Variants in NKIRAS1 observed in about 807,000 individuals in gnomAD.
The protein encoded by NKIRAS1 is NFKB inhibitor interacting Ras like 1.
In NKIRAS1, 16 loss-of-function variants were observed where a neutral mutation model predicts 19.8. The ratio of observed to expected loss-of-function variants is 0.81; its 90% confidence interval spans 0.55 to 1.23. The LOEUF is 1.23. NKIRAS1 is among the 50% of genes most tolerant of loss of function. The pLI is 0.00. For synonymous variants in NKIRAS1, 88 were observed against 79.0 expected (o/e 1.11, Z -0.61); for missense variants, 184 against 220.0 (o/e 0.84, Z 1.04).
intron 1 of NKIRAS1, among the ~76,000 whole-genome samples, chr3:23,942,153 A>C (rs1705512201): frequency 6.6e-6 from 1 of 151,784 alleles, no homozygotes; most frequent in Non-Finnish European, 1.5e-5. Context: ...TAATTTTTGT[A>C]TTTTTAGTAG....
intron 1 of NKIRAS1, among the ~76,000 whole-genome samples, chr3:23,925,974 T>C (rs1228090722): frequency 2.0e-5 from 3 of 152,246 alleles, no homozygotes; most frequent in Admixed American, 6.5e-5. Flanking sequence ...GGCTACCACG[T>C]TGGACAGCAC....
chr3:23,900,738 C>T, intron 4 of NKIRAS1, 70 bp downstream of exon 4: 1 of 1,226,834 alleles, frequency 8.2e-7, no homozygotes, highest in Non-Finnish European at 1.2e-6. Context: ...AAATAAACTA[C>T]CCAAAAGTCT....
chr3:23,941,857 G>A (rs1239854603), intron 1 of NKIRAS1, among the ~76,000 whole-genome samples: 3 of 152,148 alleles, frequency 2.0e-5, no homozygotes, highest in East Asian at 1.9e-4. Context: ...CACTATCATC[G>A]AAGAGAGGGT....
chr3:23,916,412 T>C (rs1704438159), intron 1 of NKIRAS1: 1 of 152,252 alleles, frequency 6.6e-6, no homozygotes, highest in South Asian at 2.1e-4. Flanking sequence ...CATTCTGCTC[T>C]TCTGAAAAAC....
rs148572381 is a variant in NKIRAS1 at position 23,915,590 on chromosome 3, T to A, written c.-140+1194A>T. Among the ~76,000 whole-genome samples, 143 of 152,334 alleles carry A rather than the reference T, an allele frequency of 9.4e-4. 3 individuals are homozygous for A. The East Asian group carries it at 0.025, about 27-fold the overall frequency. On this transcript the variant is annotated intron_variant, in intron 1 of 4. Coordinates refer to ENST00000425478, the MANE Select transcript of NKIRAS1 (RefSeq NM_020345.4). ...TTATCTTTTTAAAATGTACGCCATA[T>A]GAAGTCATCCTTCTGTTCAAAATCT...
chr3:23,918,238 T>G, upstream of NKIRAS1: 1 of 899,490 alleles, frequency 1.1e-6, no homozygotes, highest in Admixed American at 2.9e-5. Context: ...GAGTTCAGAC[T>G]AAAGCAAAAT....
Position 23,890,621 on chromosome 3 carries a change from AT to A in NKIRAS1, c.*2473del, listed in dbSNP as rs537947580. Reference sequence around the variant, plus strand: ...ACGCTACATAAATTGGGGTTTCACAATTCTTACATTATTTGTCTGTCACAGA... The same window carrying A: ...ACGCTACATAAATTGGGGTTTCACAATCTTACATTATTTGTCTGTCACAGA... On this transcript the variant is annotated 3_prime_UTR_variant, in exon 5 of 5. Transcript: ENST00000425478. 1.4e-4 allele frequency: 220 copies of A among 1,571,680 alleles called. 1 individual carries two copies. The African/African-American group carries it at 2.8e-3, about 20-fold the overall frequency.
chr3:23,925,592 C>T (rs1459796097), intron 1 of NKIRAS1, among the ~76,000 whole-genome samples: 1 of 152,084 alleles, frequency 6.6e-6, no homozygotes, highest in Non-Finnish European at 1.5e-5. Context: ...CAAGACTGCG[C>T]CACTGCACTT....
intron 4 of NKIRAS1, 104 bp from the exon 5 acceptor site, chr3:23,893,441 T>A (rs922818922): frequency 1.3e-5 from 12 of 907,262 alleles, no homozygotes; most frequent in Admixed American, 4.7e-5. Context: ...CAAACCTGCT[T>A]CATTAAACTG....
chr3:23,895,794 C>A (rs960391172), intron 4 of NKIRAS1, among the ~76,000 whole-genome samples: 1 of 152,160 alleles, frequency 6.6e-6, no homozygotes, highest in South Asian at 2.1e-4. Context: ...TCCTTCCCCA[C>A]TTTCCTTTCA....
At chr3:23,928,821 G>A (rs943617742) in intron 1 of NKIRAS1, among the ~76,000 whole-genome samples, 4 of 151,446 alleles carry the variant, frequency 2.6e-5, no homozygotes, top group African/African-American at 7.3e-5. Context: ...GTGAAGCCCC[G>A]TTTCTAATAA....
chr3:23,907,146 G>A (rs1213938418), intron 3 of NKIRAS1, among the ~76,000 whole-genome samples: 3 of 152,182 alleles, frequency 2.0e-5, no homozygotes, highest in Non-Finnish European at 1.5e-5. Flanking sequence ...CGCCTGCCTC[G>A]GCCTCCCAAA....
chr3:23,895,496 C>T (rs1575060998), intron 4 of NKIRAS1, among the ~76,000 whole-genome samples: 1 of 152,150 alleles, frequency 6.6e-6, no homozygotes, highest in Non-Finnish European at 1.5e-5. Flanking sequence ...TTAATTCCTC[C>T]CTACCCAGCT....
intron 4 of NKIRAS1, among the ~76,000 whole-genome samples, chr3:23,898,950 A>G (rs1046099774): frequency 2.0e-5 from 3 of 152,104 alleles, no homozygotes; most frequent in African/African-American, 7.2e-5. Flanking sequence ...CATGTGAGGG[A>G]TCTAGGTTGC....
At chr3:23,919,588 A>G (rs1176746638), upstream of NKIRAS1, 2 of 1,427,998 alleles carry the variant, frequency 1.4e-6, no homozygotes, top group Admixed American at 2.9e-5. Context: ...TGTTAAAACT[A>G]GTCTGCAGAT....
At chr3:23,932,984 G>A (rs530050583) in intron 1 of NKIRAS1, among the ~76,000 whole-genome samples, 18 of 152,232 alleles carry the variant, frequency 1.2e-4, no homozygotes, top group Middle Eastern at 3.4e-3. Flanking sequence ...AGGAATTAAG[G>A]TTGCAAATCA....
At chr3:23,920,171 G>T, upstream of NKIRAS1, 1 of 985,836 alleles carries the variant, frequency 1.0e-6, no homozygotes, top group Non-Finnish European at 1.2e-6. Flanking sequence ...GTGGCCATTA[G>T]ATAAATACCT....
intron 4 of NKIRAS1, among the ~76,000 whole-genome samples, chr3:23,895,774 T>C (rs1229981269): frequency 6.6e-6 from 1 of 152,212 alleles, no homozygotes; most frequent in Admixed American, 6.5e-5. Context: ...CAAGTTCCAG[T>C]ATCTCCTCTT....
At chr3:23,903,171 T>G (rs934997709) in intron 3 of NKIRAS1, among the ~76,000 whole-genome samples, 9 of 152,208 alleles carry the variant, frequency 5.9e-5, no homozygotes, top group African/African-American at 2.2e-4. Context: ...TGAAGTTCAG[T>G]GGGACAATCT....
Sources: allele counts gnomAD v4.1 joint callset (sites outside exome capture counted in the v4.1 genomes callset), GRCh38; gene constraint gnomAD v4.1.1; transcripts MANE v1.5; gene names NCBI Gene and HGNC (gene_info 2026-07-23, HGNC 2026-07-21).